The following CEP152 variants were observed in gnomAD, a reference collection of about 807,000 sequenced individuals.
CEP152 encodes centrosomal protein 152.
Under a neutral mutation model 188.9 loss-of-function variants are expected in CEP152, and 132 were observed. The observed-to-expected ratio is 0.70, with a 90% confidence interval of 0.61 to 0.81. The LOEUF (loss-of-function observed/expected upper bound fraction) is 0.81, where lower values mean the gene tolerates loss of function less well. Ranked by LOEUF, CEP152 falls within the 30% of genes least tolerant of loss-of-function variation. The probability of loss-of-function intolerance (pLI) is 0.00; values close to 1 mark genes in which losing one functional copy is unlikely to be tolerated. For missense variants in CEP152, 1,914 were observed against 1,969.8 expected (o/e 0.97, Z 0.54); for synonymous variants, 649 against 666.6 (o/e 0.97, Z 0.41).
chr15:48,772,744 G>A (rs1895651782), intron 12 of CEP152, 53 bp from the exon 13 acceptor site: 1 of 1,489,034 alleles, frequency 6.7e-7, no homozygotes, highest in South Asian at 1.1e-5. Context: ...AATCAGACAT[G>A]GTTATTCCCT....
chr15:48,797,776 G>C, intron 3 of CEP152, 46 bp from the exon 4 acceptor site: 1 of 1,597,122 alleles, frequency 6.3e-7, no homozygotes, highest in African/African-American at 1.3e-5. Context: ...TCATTTATTT[G>C]TACATAGATA....
At chr15:48,746,965 T>C (rs1415626534) in intron 22 of CEP152, among the ~76,000 whole-genome samples, 2 of 152,194 alleles carry the variant, frequency 1.3e-5, no homozygotes, top group Non-Finnish European at 2.9e-5. Flanking sequence ...ATCCATGCTA[T>C]GGCTCTACTG....
chr15:48,764,691 G>A (rs1894930777), intron 17 of CEP152, among the ~76,000 whole-genome samples: 2 of 152,130 alleles, frequency 1.3e-5, no homozygotes, highest in Non-Finnish European at 1.5e-5. Flanking sequence ...CAATGAGCCA[G>A]GTTAACATGT....
chr15:48,772,414 A>C lies in CEP152; in HGVS notation c.1782+73T>G, dbSNP rs1895607019. ...AGACAGAGTGACGCCCTGTCTCAAA[A>C]AAAAAAAAGTGTAAAAGTTTTCTTT... is the stretch of plus-strand genomic sequence containing the variant. On this transcript the variant is annotated intron_variant, in intron 13 of 26. Transcript: ENST00000380950. 4.4e-6 allele frequency: 6 copies of C among 1,363,346 alleles called. No homozygotes were observed. In the African/African-American group the frequency reaches 5.7e-5, roughly 13 times the overall value. 84.5% of individuals were successfully genotyped at this position (1,363,346 alleles called of 1,614,324 possible).
intron 9 of CEP152, among the ~76,000 whole-genome samples, chr15:48,785,318 T>C (rs1265770295): frequency 2.0e-5 from 3 of 152,210 alleles, no homozygotes; most frequent in Non-Finnish European, 2.9e-5. Flanking sequence ...TTAAATTTTT[T>C]CTACTAAATT....
rs1029595295 is a variant in CEP152 at position 48,752,256 on chromosome 15, T to C, written c.3466+93A>G. The C allele has an allele frequency of 1.1e-5, 18 of 1,604,764 alleles. No individual in the cohort carries two copies. The African/African-American group carries it at 2.3e-4, about 20-fold the overall frequency. ...AAGTCAGACGATTATTACCCATTTG[T>C]TCACATCTATGATCTCCTTTTATCC... is the stretch of plus-strand genomic sequence containing the variant. On this transcript the variant is annotated intron_variant, in intron 21 of 26. Transcript: ENST00000380950.
intron 19 of CEP152, among the ~76,000 whole-genome samples, chr15:48,758,737 A>AAAT (rs60447582): frequency 6.7e-6 from 1 of 149,908 alleles, no homozygotes. Context: ...AAAAAAAAAA[A>AAAT]GGCAAATTCC....
chr15:48,778,392 C>A (rs1047015901), intron 12 of CEP152, among the ~76,000 whole-genome samples: 1 of 152,130 alleles, frequency 6.6e-6, no homozygotes, highest in African/African-American at 2.4e-5. Flanking sequence ...CCTTTATCTC[C>A]TTTGAATTTG....
chr15:48,797,244 A>G, intron 5 of CEP152, 57 bp downstream of exon 5: 2 of 1,583,880 alleles, frequency 1.3e-6, no homozygotes, highest in South Asian at 2.2e-5. Flanking sequence ...ACACACAAAC[A>G]TCACGCAAAT....
intron 22 of CEP152, among the ~76,000 whole-genome samples, chr15:48,746,386 G>A (rs925574774): frequency 1.4e-4 from 21 of 152,090 alleles, no homozygotes; most frequent in African/African-American, 4.3e-4. Context: ...GCCATATTCT[G>A]TAAAACAAAT....
intron 13 of CEP152, among the ~76,000 whole-genome samples, chr15:48,770,635 T>C (rs1017089134): frequency 6.6e-6 from 1 of 152,184 alleles, no homozygotes; most frequent in African/African-American, 2.4e-5. Context: ...AATGTCTTAA[T>C]GCAAATTGAG....
intron 9 of CEP152, among the ~76,000 whole-genome samples, chr15:48,786,024 A>C (rs748712799): frequency 7.2e-5 from 11 of 152,086 alleles, no homozygotes; most frequent in Non-Finnish European, 1.3e-4. Flanking sequence ...ACTGGACCAC[A>C]CACAGAGAAG....
intron 21 of CEP152, among the ~76,000 whole-genome samples, chr15:48,751,904 G>A (rs1893901662): frequency 1.3e-5 from 2 of 152,136 alleles, no homozygotes; most frequent in African/African-American, 4.8e-5. Context: ...CGTTGGAAAG[G>A]AAGAGATTAA....
rs563586620 is a variant in CEP152 at position 48,765,011 on chromosome 15, T to C, written c.2280+2049A>G. ...TTCCTTTAAAAAAAAAAAAAAGGTG[T>C]ATTTTTGCCTACCTCTGAAAAATGT... On this transcript the variant is annotated intron_variant, in intron 17 of 26. Coordinates refer to ENST00000380950, the MANE Select transcript of CEP152 (RefSeq NM_001194998.2). Among the ~76,000 whole-genome samples, 5 of 151,984 alleles carry C rather than the reference T, an allele frequency of 3.3e-5. No individual in the cohort carries two copies. The East Asian group carries it at 9.7e-4, about 29-fold the overall frequency.
In CEP152 at chr15:48,767,134, C is replaced by T. The variant is rs1439522256; in HGVS notation, c.2206G>A (p.Val736Met). Reference sequence around the variant, plus strand: ...TCTAGATTATCCTTCTCTCTGCACACTTCTAGGTAACATTCCTGCACAGCA... The same window carrying T: ...TCTAGATTATCCTTCTCTCTGCACATTTCTAGGTAACATTCCTGCACAGCA... ...VTAVQECYLE[V>M]CREKDNLELT... is the part of the protein sequence containing the mutation. Residue 736 changes from valine to methionine, a missense_variant, in exon 17 of 27, where the codon GTG becomes ATG. Coordinates refer to ENST00000380950, the MANE Select transcript of CEP152 (RefSeq NM_001194998.2). The T allele has an allele frequency of 6.2e-7, 1 of 1,613,804 alleles. No homozygotes were observed. Among genetic ancestry groups the T allele is most frequent in the Admixed American group, 1.7e-5 (1 of 60,026 alleles).
intron 24 of CEP152, among the ~76,000 whole-genome samples, chr15:48,744,026 G>A (rs573344582): frequency 5.9e-5 from 9 of 152,168 alleles, no homozygotes; most frequent in Admixed American, 4.6e-4. Context: ...AACATAAGAC[G>A]ATTCTCACAT....
At chr15:48,777,620 T>A (rs1380327029) in intron 12 of CEP152, among the ~76,000 whole-genome samples, 1 of 151,894 alleles carries the variant, frequency 6.6e-6, no homozygotes, top group East Asian at 1.9e-4. Flanking sequence ...TATATATATT[T>A]TGTAAGTAGT....
At chr15:48,804,488 C>T (rs571303525) in intron 2 of CEP152, among the ~76,000 whole-genome samples, 1 of 152,244 alleles carries the variant, frequency 6.6e-6, no homozygotes, top group African/African-American at 2.4e-5. Context: ...TAAAAAATAG[C>T]GTCAGGACAA....
chr15:48,767,905 CCT>C (rs1895239601), intron 15 of CEP152, among the ~76,000 whole-genome samples: 1 of 152,062 alleles, frequency 6.6e-6, no homozygotes, highest in Non-Finnish European at 1.5e-5. Context: ...AGACATATTC[CCT>C]CTCACAGACT....
Sources: allele counts gnomAD v4.1 joint callset (sites outside exome capture counted in the v4.1 genomes callset), GRCh38; gene constraint gnomAD v4.1.1; transcripts MANE v1.5; gene names NCBI Gene and HGNC (gene_info 2026-07-23, HGNC 2026-07-21).